GRM5: variants seen among roughly 807,000 people sequenced by gnomAD.
GRM5 encodes the protein metabotropic glutamate receptor 5.
Under a neutral mutation model 83.1 loss-of-function variants are expected in GRM5, and 19 were observed. The ratio of observed to expected loss-of-function variants is 0.23; its 90% CI spans 0.16 to 0.34. The LOEUF (loss-of-function observed/expected upper bound fraction) is 0.34, where lower values mean the gene tolerates loss of function less well. GRM5 is among the 10% of genes least tolerant of loss of function. The pLI is 1.00. For missense variants in GRM5, 1,160 were observed against 1,588.3 expected, an observed-to-expected ratio of 0.73 and a Z score of 4.58; for synonymous variants, 675 against 633.6, an observed-to-expected ratio of 1.07 and a Z score of -0.98.
At chr11:88,847,550 T>C (rs1944320614) in intron 3 of GRM5, among the ~76,000 whole-genome samples, 1 of 152,098 alleles carries the variant, frequency 6.6e-6, no homozygotes, top group Admixed American at 6.5e-5. Flanking sequence ...AGGACCACAC[T>C]GTTGTTCCCA....
chr11:88,728,399 A>G (rs1406850426), intron 3 of GRM5, among the ~76,000 whole-genome samples: 2 of 152,132 alleles, frequency 1.3e-5, no homozygotes, highest in Non-Finnish European at 2.9e-5. Context: ...TAACCAAAAA[A>G]AAAGCCCAGG....
intron 2 of GRM5, among the ~76,000 whole-genome samples, chr11:89,002,916 C>G (rs904704827): frequency 3.3e-5 from 5 of 152,030 alleles, no homozygotes; most frequent in African/African-American, 1.2e-4. Flanking sequence ...ATCTAATATT[C>G]AATTTAGCCT....
chr11:89,060,955 T>C (rs1442957492), intron 1 of GRM5, among the ~76,000 whole-genome samples: 1 of 152,136 alleles, frequency 6.6e-6, no homozygotes, highest in Non-Finnish European at 1.5e-5. Context: ...CTAGAATTAA[T>C]ATTTCTCTGA....
At chr11:88,958,684 C>T (rs1417815479) in intron 2 of GRM5, among the ~76,000 whole-genome samples, 1 of 152,126 alleles carries the variant, frequency 6.6e-6, no homozygotes, top group Non-Finnish European at 1.5e-5. Flanking sequence ...AGTTTCATAA[C>T]ACCTTTGCAC....
intron 8 of GRM5, among the ~76,000 whole-genome samples, chr11:88,545,330 T>C (rs1942363218): frequency 6.6e-6 from 1 of 152,156 alleles, no homozygotes; most frequent in African/African-American, 2.4e-5. Context: ...AGATGTCTCT[T>C]AGAAATTTTA....
intron 2 of GRM5, among the ~76,000 whole-genome samples, chr11:88,886,552 C>T (rs1278054869): frequency 6.6e-6 from 1 of 152,116 alleles, no homozygotes; most frequent in Non-Finnish European, 1.5e-5. Flanking sequence ...ACTGGGCATA[C>T]TGGCCCTGTT....
intron 3 of GRM5, among the ~76,000 whole-genome samples, chr11:88,772,625 G>A (rs1432950889): frequency 6.6e-6 from 1 of 151,856 alleles, no homozygotes; most frequent in South Asian, 2.1e-4. Flanking sequence ...ACAGGCCTCA[G>A]TGTGTGATGT....
intron 2 of GRM5, among the ~76,000 whole-genome samples, chr11:88,986,899 G>T (rs572700): frequency 0.034 from 5,217 of 151,934 alleles, 185 homozygotes; most frequent in South Asian, 0.075. Context: ...TGTAAGACAA[G>T]AGTCCAGGCC....
intron 2 of GRM5, among the ~76,000 whole-genome samples, chr11:88,925,179 G>C (rs2135635951): frequency 6.6e-6 from 1 of 152,110 alleles, no homozygotes; most frequent in South Asian, 2.1e-4. Flanking sequence ...ACAGTGTCAT[G>C]ATTTAAATAA....
At chr11:88,612,291 A>G (rs1938342880) in intron 4 of GRM5, among the ~76,000 whole-genome samples, 1 of 150,662 alleles carries the variant, frequency 6.6e-6, no homozygotes, top group African/African-American at 2.5e-5. Context: ...TACAAAGGAC[A>G]TGAACCCATC....
intron 2 of GRM5, among the ~76,000 whole-genome samples, chr11:88,928,492 G>GTA (rs10610996): frequency 1.2e-4 from 15 of 122,552 alleles, no homozygotes; most frequent in African/African-American, 4.1e-4. Context: ...ATGTATATAT[G>GTA]TATATATATA....
chr11:88,786,329 G>A (rs1449283345), intron 3 of GRM5, among the ~76,000 whole-genome samples: 1 of 152,030 alleles, frequency 6.6e-6, no homozygotes, highest in Non-Finnish European at 1.5e-5. Flanking sequence ...GCACCACCCA[G>A]AATGAATTTG....
chr11:88,994,004 C>T lies in GRM5; in HGVS notation c.661+53208G>A, dbSNP rs1248739176. Among the ~76,000 whole-genome samples the T allele has an allele frequency of 2.0e-5, 3 of 152,084 alleles. No homozygotes were observed. In the East Asian group the frequency reaches 5.8e-4, roughly 29 times the overall value. ...AAGTACTGGGATTACTGATACAAAG[C>T]ACTGTACCAACCTCAGTAAAGTTTT... On this transcript the variant is annotated intron_variant, in intron 2 of 9. Transcript: ENST00000305447.
At chr11:88,795,216 G>A (rs987985832) in intron 3 of GRM5, among the ~76,000 whole-genome samples, 2 of 152,158 alleles carry the variant, frequency 1.3e-5, no homozygotes, top group East Asian at 1.9e-4. Context: ...ATTCACAAGC[G>A]AGAAAGCAGT....
At chr11:89,064,647 T>C (rs1734894187) in intron 1 of GRM5, among the ~76,000 whole-genome samples, 1 of 152,014 alleles carries the variant, frequency 6.6e-6, no homozygotes. Context: ...CTCTACATTG[T>C]TCAATAGAGA....
intron 2 of GRM5, among the ~76,000 whole-genome samples, chr11:89,032,192 G>A (rs1456396958): frequency 6.6e-6 from 1 of 152,042 alleles, no homozygotes; most frequent in African/African-American, 2.4e-5. Flanking sequence ...AGCAGTAGCA[G>A]CATCAATCAT....
chr11:88,708,949 T>C (rs1439754998), intron 3 of GRM5, among the ~76,000 whole-genome samples: 2 of 152,128 alleles, frequency 1.3e-5, no homozygotes, highest in African/African-American at 4.8e-5. Context: ...AAAGGTCTAA[T>C]GGCAGAAGGA....
intron 4 of GRM5, among the ~76,000 whole-genome samples, chr11:88,621,010 G>C (rs1938618735): frequency 1.3e-5 from 2 of 152,196 alleles, no homozygotes; most frequent in African/African-American, 4.8e-5. Flanking sequence ...ACCATGAACA[G>C]CCAGTTGGCA....
chr11:88,903,485 T>C lies in GRM5; in HGVS notation c.662-53330A>G, dbSNP rs1297979039. 2.0e-5 allele frequency among the ~76,000 whole-genome samples: 3 copies of C among 152,164 alleles called. No homozygotes were observed. The East Asian group carries it at 5.8e-4, about 29-fold the overall frequency. On this transcript the variant is annotated intron_variant, in intron 2 of 9. Transcript: ENST00000305447. Reference sequence around the variant, plus strand: ...AGCATTATTCACAATAGAAACAATATGGAATCAACCTAAGTGTCTATCAAG... The same window carrying C: ...AGCATTATTCACAATAGAAACAATACGGAATCAACCTAAGTGTCTATCAAG...
Sources: allele counts gnomAD v4.1 joint callset (sites outside exome capture counted in the v4.1 genomes callset), GRCh38; gene constraint gnomAD v4.1.1; transcripts MANE v1.5; gene names NCBI Gene and HGNC (gene_info 2026-07-23, HGNC 2026-07-21).